The following C7orf78 variants were observed in gnomAD, a reference collection of about 807,000 sequenced individuals.
The protein encoded by C7orf78 is chromosome 7 open reading frame 78.
At chr7:12,516,568 T>A in the C7orf78 span, among the ~76,000 whole-genome samples, 2 of 152,166 alleles carry the variant, frequency 1.3e-5, no homozygotes, top group Non-Finnish European at 2.9e-5. Flanking sequence ...ACTGACAGCT[T>A]GCACCATGTG....
the C7orf78 span, among the ~76,000 whole-genome samples, chr7:12,514,224 G>C: frequency 6.6e-6 from 1 of 152,028 alleles, no homozygotes; most frequent in Non-Finnish European, 1.5e-5. Context: ...AGATCTGGGT[G>C]CTCCAGTGTT....
chr7:12,493,503 A>C, the C7orf78 span, among the ~76,000 whole-genome samples: 12 of 152,176 alleles, frequency 7.9e-5, no homozygotes, highest in African/African-American at 2.9e-4. Flanking sequence ...TTTCTGACTC[A>C]GCAGGTTTGA....
chr7:12,528,316 G>C, the C7orf78 span, among the ~76,000 whole-genome samples: 10 of 146,964 alleles, frequency 6.8e-5, no homozygotes, highest in East Asian at 2.0e-4. Flanking sequence ...CACTCACTTT[G>C]GTAGAAAATG....
the C7orf78 span, among the ~76,000 whole-genome samples, chr7:12,501,320 A>C: frequency 3.4e-5 from 5 of 147,108 alleles, no homozygotes; most frequent in Admixed American, 3.4e-4. Flanking sequence ...ATGATTGTAT[A>C]TCTAGAAAAC....
the C7orf78 span, among the ~76,000 whole-genome samples, chr7:12,497,594 G>A: frequency 6.6e-6 from 1 of 151,276 alleles, no homozygotes; most frequent in Non-Finnish European, 1.5e-5. Flanking sequence ...ACCCCACGGA[G>A]TCTCGCTGAT....
At chr7:12,513,481 A>G in the C7orf78 span, among the ~76,000 whole-genome samples, 1 of 152,150 alleles carries the variant, frequency 6.6e-6, no homozygotes, top group Non-Finnish European at 1.5e-5. Flanking sequence ...AAATTTTTAA[A>G]TTAAAAAAAT....
chr7:12,504,175 A>G, the C7orf78 span, among the ~76,000 whole-genome samples: 1 of 152,194 alleles, frequency 6.6e-6, no homozygotes, highest in South Asian at 2.1e-4. Context: ...GTGAGTTCTC[A>G]AGACTTAGTA....
the C7orf78 span, among the ~76,000 whole-genome samples, chr7:12,535,034 CAAG>C: frequency 2.3e-5 from 3 of 128,546 alleles, no homozygotes; most frequent in African/African-American, 8.5e-5. Context: ...AGATTTCATA[CAAG>C]AAGATCTCTA....
the C7orf78 span, among the ~76,000 whole-genome samples, chr7:12,519,309 C>T: frequency 6.6e-6 from 1 of 152,178 alleles, no homozygotes; most frequent in Non-Finnish European, 1.5e-5. Flanking sequence ...AACTCACAGC[C>T]CCAGACAAGC....
chr7:12,533,557 C>T, the C7orf78 span, among the ~76,000 whole-genome samples: 14 of 140,576 alleles, frequency 1.0e-4, no homozygotes, highest in South Asian at 2.5e-3. Flanking sequence ...CGCTCTGTTG[C>T]TCAGGCTGGA....
chr7:12,531,084 C>T, the C7orf78 span: 3 of 398,250 alleles, frequency 7.5e-6, no homozygotes, highest in Non-Finnish European at 4.4e-6. Context: ...CAAAGATATG[C>T]AAGAGCAGGT....
At chr7:12,490,769 AT>A in the C7orf78 span, among the ~76,000 whole-genome samples, 126 of 148,946 alleles carry the variant, frequency 8.5e-4, no homozygotes, top group East Asian at 4.7e-3. Context: ...TTGCAATCAG[AT>A]TTTTTTTTTT....
the C7orf78 span, among the ~76,000 whole-genome samples, chr7:12,516,128 T>TAGG: frequency 6.6e-6 from 1 of 152,030 alleles, no homozygotes; most frequent in East Asian, 1.9e-4. Flanking sequence ...CCCAGAGACC[T>TAGG]AAGAGAAAAT....
chr7:12,516,262 A>G, the C7orf78 span, among the ~76,000 whole-genome samples: 2 of 152,232 alleles, frequency 1.3e-5, no homozygotes, highest in African/African-American at 4.8e-5. Flanking sequence ...ATGGCTTCAG[A>G]GGGTGCAAGC....
At chr7:12,492,015 C>T in the C7orf78 span, 1 of 152,108 alleles carries the variant, frequency 6.6e-6, no homozygotes, top group Non-Finnish European at 1.5e-5. Flanking sequence ...AGAAGAAGAA[C>T]AATGTGAACT....
the C7orf78 span, among the ~76,000 whole-genome samples, chr7:12,522,510 C>G: frequency 1.3e-5 from 2 of 152,110 alleles, no homozygotes; most frequent in African/African-American, 4.8e-5. Context: ...CTTTCTACTT[C>G]TAGGTCAAAT....
At chr7:12,528,535 C>G in the C7orf78 span, among the ~76,000 whole-genome samples, 12 of 151,948 alleles carry the variant, frequency 7.9e-5, no homozygotes, top group Non-Finnish European at 1.0e-4. Flanking sequence ...TTAGTATATG[C>G]TATGTGTCAC....
chr7:12,539,391 G>A, the C7orf78 span, among the ~76,000 whole-genome samples: 1 of 152,018 alleles, frequency 6.6e-6, no homozygotes, highest in African/African-American at 2.4e-5. Context: ...ATGAACCTGG[G>A]AGGTGGAGCT....
At chr7:12,511,741 T>G in the C7orf78 span, among the ~76,000 whole-genome samples, 6 of 151,878 alleles carry the variant, frequency 4.0e-5, no homozygotes, top group Non-Finnish European at 7.4e-5. Context: ...TTGGTTTTTT[T>G]GGGTTTTTGT....
Sources: gnomAD v4.1 joint callset for allele counts (sites outside exome capture counted in the v4.1 genomes callset) on GRCh38, gnomAD v4.1.1 for gene constraint, MANE v1.5 for transcripts, NCBI Gene and HGNC (gene_info 2026-07-23, HGNC 2026-07-21) for gene names.